DAB1: variants seen among roughly 807,000 people sequenced by gnomAD.
DAB1 encodes disabled homolog 1.
Under a neutral mutation model 64.6 loss-of-function variants are expected in DAB1, and 15 were observed. The ratio of observed to expected loss-of-function variants is 0.23; its 90% confidence interval spans 0.16 to 0.36. The LOEUF (loss-of-function observed/expected upper bound fraction) is 0.36. Ranked by LOEUF, DAB1 falls within the 10% of genes least tolerant of loss-of-function variation. The pLI, the probability that DAB1 is intolerant of heterozygous loss-of-function variation, is 1.00. For synonymous variants in DAB1, 235 were observed against 251.9 expected, an observed-to-expected ratio of 0.93 and a Z score of 0.64; for missense variants, 596 against 706.7, an observed-to-expected ratio of 0.84 and a Z score of 1.78.
At chr1:57,665,849 C>CTGTGTGTGTG (rs397862533) in intron 6 of DAB1, among the ~76,000 whole-genome samples, 30 of 137,240 alleles carry the variant, frequency 2.2e-4, no homozygotes, top group African/African-American at 5.6e-4. Context: ...TTTTAATTAT[C>CTGTGTGTGTG]TGTGTGTGTG....
chr1:57,622,798 C>T (rs906551987), intron 7 of DAB1, among the ~76,000 whole-genome samples: 3 of 152,144 alleles, frequency 2.0e-5, no homozygotes, highest in East Asian at 1.9e-4. Flanking sequence ...AAAATGCCTA[C>T]CTAGAATATA....
intron 4 of DAB1, among the ~76,000 whole-genome samples, chr1:58,296,107 A>C (rs1661967605): frequency 6.7e-6 from 1 of 149,038 alleles, no homozygotes. Context: ...AAAAAAAAAA[A>C]AGCAAGAAAG....
At chr1:57,738,682 T>C (rs185114569) in intron 6 of DAB1, among the ~76,000 whole-genome samples, 2 of 152,328 alleles carry the variant, frequency 1.3e-5, no homozygotes, top group African/African-American at 4.8e-5. Context: ...CTTAAGAAAC[T>C]CCATGTAATT....
chr1:57,661,530 C>T (rs996704387), intron 6 of DAB1, among the ~76,000 whole-genome samples: 2 of 152,122 alleles, frequency 1.3e-5, no homozygotes, highest in African/African-American at 4.8e-5. Context: ...TTGTGCAGCC[C>T]TTAGCTTGTC....
At chr1:58,490,207 G>A (rs886965709) in intron 3 of DAB1, among the ~76,000 whole-genome samples, 1 of 152,140 alleles carries the variant, frequency 6.6e-6, no homozygotes, top group South Asian at 2.1e-4. Context: ...AAGATTAGAC[G>A]AATGACTAAC....
At chr1:57,871,563 T>G (rs571238853) in intron 1 of DAB1, among the ~76,000 whole-genome samples, 1 of 152,288 alleles carries the variant, frequency 6.6e-6, no homozygotes, top group South Asian at 2.1e-4. Context: ...CAAGGTCACA[T>G]AGAAACCATG....
intron 5 of DAB1, among the ~76,000 whole-genome samples, chr1:57,940,171 G>A (rs1180954019): frequency 6.6e-6 from 1 of 152,174 alleles, no homozygotes; most frequent in Non-Finnish European, 1.5e-5. Flanking sequence ...TCCGAGTTTG[G>A]TTTCAGTGAG....
In DAB1 at chr1:58,373,590, G is replaced by C. The variant is rs1211662403; in HGVS notation, n.258-30187C>G. ...TCTATCATTGTTGGACATTTGGGTT[G>C]GTTCCAAGTCTTTGCTATTGTGAAT... On this transcript the variant is annotated intron_variant and non_coding_transcript_variant, in intron 3 of 20. Transcript: ENST00000485760. 5.3e-5 allele frequency among the ~76,000 whole-genome samples: 8 copies of C among 151,744 alleles called. 1 individual carries two copies. The highest frequency in any genetic ancestry group is 5.3e-4 in the Admixed American group (8 of 15,202).
chr1:57,934,632 G>A (rs1645000797), intron 5 of DAB1, among the ~76,000 whole-genome samples: 2 of 152,122 alleles, frequency 1.3e-5, no homozygotes, highest in Non-Finnish European at 2.9e-5. Flanking sequence ...CCAGTATTGA[G>A]GGAATTTTTC....
intron 1 of DAB1, among the ~76,000 whole-genome samples, chr1:57,419,881 C>G (rs761256652): frequency 2.0e-5 from 3 of 152,258 alleles, no homozygotes; most frequent in African/African-American, 7.2e-5. Context: ...TCCTTACCAC[C>G]TGCTATACCA....
At chr1:58,283,227 G>A (rs1411905507) in intron 4 of DAB1, among the ~76,000 whole-genome samples, 1 of 151,988 alleles carries the variant, frequency 6.6e-6, no homozygotes, top group Non-Finnish European at 1.5e-5. Flanking sequence ...GGTAAAAGAG[G>A]CAAGCCAGGA....
At chr1:57,267,099 A>G (rs996361586) in intron 2 of DAB1, among the ~76,000 whole-genome samples, 5 of 152,266 alleles carry the variant, frequency 3.3e-5, no homozygotes, top group African/African-American at 9.6e-5. Context: ...GAGATGAAAG[A>G]TCATCCTGGA....
chr1:57,836,726 A>T (rs1296249667), intron 1 of DAB1, among the ~76,000 whole-genome samples: 1 of 152,206 alleles, frequency 6.6e-6, no homozygotes, highest in Non-Finnish European at 1.5e-5. Context: ...TTATTGCCAC[A>T]CATAATAGCT....
At chr1:58,266,376 C>T (rs1401936748) in intron 4 of DAB1, among the ~76,000 whole-genome samples, 1 of 152,172 alleles carries the variant, frequency 6.6e-6, no homozygotes, top group Admixed American at 6.5e-5. Flanking sequence ...TTCTCTCCTT[C>T]ACGCTTCTCT....
chr1:58,246,008 A>G (rs1475589945), intron 4 of DAB1, among the ~76,000 whole-genome samples: 2 of 152,246 alleles, frequency 1.3e-5, no homozygotes, highest in Non-Finnish European at 2.9e-5. Flanking sequence ...GCCAATGTTT[A>G]GTAATGTGTA....
At chr1:57,513,658 T>C (rs1302383769) in intron 7 of DAB1, among the ~76,000 whole-genome samples, 1 of 152,242 alleles carries the variant, frequency 6.6e-6, no homozygotes, top group African/African-American at 2.4e-5. Context: ...TTATTTAACA[T>C]TGGCATAACC....
chr1:57,851,266 G>A (rs1407206303), intron 1 of DAB1, among the ~76,000 whole-genome samples: 3 of 152,186 alleles, frequency 2.0e-5, no homozygotes, highest in African/African-American at 7.2e-5. Flanking sequence ...CAATTAAAAT[G>A]TTATTATTTT....
intron 4 of DAB1, among the ~76,000 whole-genome samples, chr1:58,322,535 A>C (rs1189970428): frequency 1.3e-5 from 2 of 152,210 alleles, no homozygotes; most frequent in South Asian, 4.1e-4. Context: ...CAAAACCACA[A>C]TGAGATACCA....
At chr1:57,373,603 C>T (rs1221043990) in intron 1 of DAB1, among the ~76,000 whole-genome samples, 1 of 152,118 alleles carries the variant, frequency 6.6e-6, no homozygotes, top group Non-Finnish European at 1.5e-5. Context: ...GTTTATCTGC[C>T]TCCCAAATTG....
Sources: gnomAD v4.1 joint callset for allele counts (sites outside exome capture counted in the v4.1 genomes callset) on GRCh38, gnomAD v4.1.1 for gene constraint, MANE v1.5 for transcripts, NCBI Gene and HGNC (gene_info 2026-07-23, HGNC 2026-07-21) for gene names.